The following PCSK2 variants were observed in gnomAD, a reference collection of about 807,000 sequenced individuals.
The protein encoded by PCSK2 is neuroendocrine convertase 2.
Under a neutral mutation model 69.7 loss-of-function variants are expected in PCSK2, and 14 were observed. That is an observed-to-expected ratio of 0.20 (90% CI 0.13 to 0.31). PCSK2 has a LOEUF of 0.31. Among genes scored for constraint, PCSK2 ranks in the 10% least tolerant of loss-of-function variants. PCSK2 has a pLI of 1.00. For missense variants in PCSK2, 544 were observed against 842.5 expected (o/e 0.65, Z 4.39); for synonymous variants, 307 against 320.7 (o/e 0.96, Z 0.46).
At chr20:17,360,993 A>T (rs1285823140) in intron 4 of PCSK2, among the ~76,000 whole-genome samples, 1 of 152,176 alleles carries the variant, frequency 6.6e-6, no homozygotes, top group South Asian at 2.1e-4. Context: ...ACACTATCCA[A>T]TGTAGTCACC....
chr20:17,242,294 T>A (rs950943483), intron 1 of PCSK2, among the ~76,000 whole-genome samples: 1 of 152,248 alleles, frequency 6.6e-6, no homozygotes, highest in African/African-American at 2.4e-5. Context: ...GACTTACCCC[T>A]CTCTCCCCTA....
intron 2 of PCSK2, among the ~76,000 whole-genome samples, chr20:17,277,910 G>A (rs1288494770): frequency 2.0e-5 from 3 of 151,944 alleles, no homozygotes; most frequent in Non-Finnish European, 4.4e-5. Flanking sequence ...GTGGGCGAAG[G>A]ATATGAACAG....
chr20:17,406,826 C>G (rs1337910835), intron 5 of PCSK2, among the ~76,000 whole-genome samples: 1 of 152,208 alleles, frequency 6.6e-6, no homozygotes, highest in Non-Finnish European at 1.5e-5. Flanking sequence ...TCTCAGTCCG[C>G]TCAGGTTTTG....
chr20:17,448,390 T>G (rs1394728620), intron 8 of PCSK2, among the ~76,000 whole-genome samples: 3 of 152,216 alleles, frequency 2.0e-5, no homozygotes, highest in Non-Finnish European at 4.4e-5. Context: ...AGCTGGAATG[T>G]CACCTTAGCT....
At chr20:17,328,000 T>C (rs1990112083) in intron 2 of PCSK2, among the ~76,000 whole-genome samples, 1 of 152,178 alleles carries the variant, frequency 6.6e-6, no homozygotes, top group Non-Finnish European at 1.5e-5. Context: ...TGTTGAATCC[T>C]GAGCCTGCCT....
At chr20:17,373,376 C>T (rs2030830614) in intron 5 of PCSK2, among the ~76,000 whole-genome samples, 1 of 152,092 alleles carries the variant, frequency 6.6e-6, no homozygotes, top group Non-Finnish European at 1.5e-5. Context: ...GTGACAACTT[C>T]GTCAGTCATT....
chr20:17,356,954 C>G (rs1342961356), intron 2 of PCSK2, among the ~76,000 whole-genome samples: 1 of 152,168 alleles, frequency 6.6e-6, no homozygotes, highest in African/African-American at 2.4e-5. Context: ...TCCACCAACA[C>G]AGAACCTGAT....
At chr20:17,421,690 C>T (rs1426605939) in intron 6 of PCSK2, among the ~76,000 whole-genome samples, 1 of 151,834 alleles carries the variant, frequency 6.6e-6, no homozygotes, top group African/African-American at 2.4e-5. Flanking sequence ...TGTCTTATCT[C>T]CTTATCTCTG....
chr20:17,258,176 C>A (rs945689377), intron 1 of PCSK2, among the ~76,000 whole-genome samples: 6 of 152,180 alleles, frequency 3.9e-5, no homozygotes, highest in African/African-American at 1.4e-4. Context: ...GTTTTCACAG[C>A]TGCTGTGATT....
intron 2 of PCSK2, among the ~76,000 whole-genome samples, chr20:17,334,305 G>A (rs1407360852): frequency 1.3e-5 from 2 of 152,086 alleles, no homozygotes; most frequent in Non-Finnish European, 2.9e-5. Flanking sequence ...GGTACCACAG[G>A]CACACTGAAT....
intron 5 of PCSK2, among the ~76,000 whole-genome samples, chr20:17,390,007 C>G (rs893035196): frequency 6.6e-6 from 1 of 152,126 alleles, no homozygotes; most frequent in Non-Finnish European, 1.5e-5. Flanking sequence ...TTCCAATGCC[C>G]GTCAACAAGT....
intron 1 of PCSK2, among the ~76,000 whole-genome samples, chr20:17,233,665 A>G (rs955150085): frequency 1.3e-5 from 2 of 152,096 alleles, no homozygotes; most frequent in African/African-American, 4.8e-5. Context: ...AAACTCAGAC[A>G]TTTTATCTAA....
At chr20:17,370,068 C>T (rs2030712201) in intron 5 of PCSK2, among the ~76,000 whole-genome samples, 1 of 152,194 alleles carries the variant, frequency 6.6e-6, no homozygotes, top group Non-Finnish European at 1.5e-5. Context: ...TGATGAAGCC[C>T]ACAAGCCCTT....
intron 5 of PCSK2, among the ~76,000 whole-genome samples, chr20:17,393,191 A>G (rs2031426965): frequency 6.6e-6 from 1 of 152,146 alleles, no homozygotes; most frequent in Non-Finnish European, 1.5e-5. Context: ...GTCCAATGAG[A>G]CCAGAACATC....
chr20:17,342,556 G>A (rs186907204), intron 2 of PCSK2, among the ~76,000 whole-genome samples: 54 of 152,118 alleles, frequency 3.5e-4, no homozygotes, highest in African/African-American at 1.2e-3. Context: ...GGACTCAAGC[G>A]CTCCACCTGC....
chr20:17,434,902 T>C (rs2123347947), intron 7 of PCSK2, among the ~76,000 whole-genome samples: 1 of 152,338 alleles, frequency 6.6e-6, no homozygotes, highest in East Asian at 1.9e-4. Context: ...GGTTCATTGG[T>C]CACCTGCATT....
rs1410692577 is a variant in PCSK2 at position 17,347,942 on chromosome 20, AAGAAAGAAAGAAAGAAAG to A, written c.283-10365_283-10348del. Among the ~76,000 whole-genome samples the A allele has an allele frequency of 5.2e-4, 15 of 28,908 alleles. 2 individuals carry two copies. The highest frequency in any genetic ancestry group is 1.5e-3 in the African/African-American group (12 of 7,880). 19.0% of individuals were successfully genotyped at this position (28,908 alleles called of 152,430 possible). On this transcript the variant is annotated intron_variant, in intron 2 of 11. Transcript: ENST00000262545. ...AAAGGAGAGAGAAAAAAGAGAAAGA[AAGAAAGAAAGAAAGAAAG>A]AGAAAGAAAGAAAGAAAGAAAGAGG... is the stretch of plus-strand genomic sequence containing the variant.
intron 2 of PCSK2, among the ~76,000 whole-genome samples, chr20:17,279,779 C>T (rs1396789349): frequency 7.1e-6 from 1 of 141,460 alleles, no homozygotes; most frequent in African/African-American, 2.7e-5. Flanking sequence ...AGGAGCGAAA[C>T]TCCGTCTCAA....
At chr20:17,416,468 T>A (rs112883083) in intron 6 of PCSK2, among the ~76,000 whole-genome samples, 4,995 of 152,166 alleles carry the variant, frequency 0.033, 114 homozygotes, top group African/African-American at 0.058. Flanking sequence ...AAAACCACAA[T>A]GAGATACCAT....
Sources: gnomAD v4.1 joint callset for allele counts (sites outside exome capture counted in the v4.1 genomes callset) on GRCh38, gnomAD v4.1.1 for gene constraint, MANE v1.5 for transcripts, NCBI Gene and HGNC (gene_info 2026-07-23, HGNC 2026-07-21) for gene names.